B3GLCT: variants seen among roughly 807,000 people sequenced by gnomAD.
B3GLCT encodes beta-1,3-glucosyltransferase.
Under a neutral mutation model 63.4 loss-of-function variants are expected in B3GLCT, and 65 were observed. The ratio of observed to expected loss-of-function variants is 1.03; its 90% CI spans 0.84 to 1.26. B3GLCT has a LOEUF of 1.26. B3GLCT is among the 50% of genes most tolerant of loss of function. The pLI is 0.00. For missense variants in B3GLCT, 577 were observed against 604.8 expected (o/e 0.95, Z 0.48); for synonymous variants, 233 against 219.2 (o/e 1.06, Z -0.55).
At chr13:31,296,844 A>G (rs1873970384) in intron 12 of B3GLCT, among the ~76,000 whole-genome samples, 1 of 152,106 alleles carries the variant, frequency 6.6e-6, no homozygotes, top group South Asian at 2.1e-4. Context: ...AAATACATGC[A>G]TAATGTTGTG....
chr13:31,314,822 G>A (rs562428268), intron 12 of B3GLCT, among the ~76,000 whole-genome samples: 7 of 152,296 alleles, frequency 4.6e-5, no homozygotes, highest in East Asian at 1.9e-4. Flanking sequence ...ATCTCAACTC[G>A]AATTGTATCT....
At chr13:31,246,748 G>C (rs1290802212) in intron 4 of B3GLCT, among the ~76,000 whole-genome samples, 1 of 152,100 alleles carries the variant, frequency 6.6e-6, no homozygotes, top group Non-Finnish European at 1.5e-5. Flanking sequence ...GACCCTCCTT[G>C]TAGGTCTTGA....
intron 2 of B3GLCT, among the ~76,000 whole-genome samples, chr13:31,219,893 T>C (rs1869737817): frequency 6.6e-6 from 1 of 152,188 alleles, no homozygotes; most frequent in Non-Finnish European, 1.5e-5. Context: ...TAGTTGATGA[T>C]AATGATGAAA....
chr13:31,233,903 C>A (rs1251919882), intron 4 of B3GLCT, among the ~76,000 whole-genome samples: 1 of 152,110 alleles, frequency 6.6e-6, no homozygotes, highest in African/African-American at 2.4e-5. Flanking sequence ...TGAAGACATA[C>A]TACGGGCAAA....
intron 8 of B3GLCT, 52 bp from the exon 9 acceptor site, chr13:31,274,457 A>T: frequency 6.2e-7 from 1 of 1,612,764 alleles, no homozygotes; most frequent in Non-Finnish European, 8.5e-7. Flanking sequence ...CCCTTCTTAT[A>T]CTTGTGTTGA....
intron 12 of B3GLCT, among the ~76,000 whole-genome samples, chr13:31,295,666 C>T (rs1279910115): frequency 1.3e-5 from 2 of 152,226 alleles, no homozygotes; most frequent in East Asian, 3.8e-4. Flanking sequence ...CCCCTCCCCC[C>T]ACCAAGCTCG....
intron 4 of B3GLCT, among the ~76,000 whole-genome samples, chr13:31,231,545 C>T (rs573847577): frequency 6.6e-5 from 10 of 152,186 alleles, no homozygotes; most frequent in Admixed American, 3.3e-4. Context: ...ACTTCCTCTA[C>T]TGTTCATCCA....
chr13:31,287,726 G>C (rs1456673965), intron 12 of B3GLCT, among the ~76,000 whole-genome samples: 11 of 152,254 alleles, frequency 7.2e-5, no homozygotes, highest in African/African-American at 2.6e-4. Context: ...AGAATTAGAA[G>C]TTATTAAGCT....
At chr13:31,246,355 T>C (rs1263252837) in intron 4 of B3GLCT, among the ~76,000 whole-genome samples, 2 of 152,248 alleles carry the variant, frequency 1.3e-5, no homozygotes, top group African/African-American at 2.4e-5. Context: ...TATATATGTA[T>C]ACATAATTTA....
chr13:31,295,027 C>G (rs1873863221), intron 12 of B3GLCT, among the ~76,000 whole-genome samples: 1 of 151,130 alleles, frequency 6.6e-6, no homozygotes, highest in South Asian at 2.1e-4. Flanking sequence ...GATGCTGATG[C>G]TATTCCTTTC....
chr13:31,276,189 C>T (rs1346489467), intron 9 of B3GLCT, among the ~76,000 whole-genome samples: 1 of 152,110 alleles, frequency 6.6e-6, no homozygotes, highest in Non-Finnish European at 1.5e-5. Flanking sequence ...CATCCTTAGC[C>T]TAGACTTGGG....
chr13:31,208,631 C>G (rs74242042), intron 1 of B3GLCT, among the ~76,000 whole-genome samples: 40 of 133,500 alleles, frequency 3.0e-4, no homozygotes, highest in East Asian at 9.0e-4. Context: ...CCCCCCCCCC[C>G]GCTCACTGCC....
At chr13:31,291,673 T>C (rs1011114567) in intron 12 of B3GLCT, among the ~76,000 whole-genome samples, 5 of 152,212 alleles carry the variant, frequency 3.3e-5, no homozygotes, top group Non-Finnish European at 5.9e-5. Context: ...TTTTGTATCC[T>C]GAGACTTTGC....
intron 6 of B3GLCT, 22 bp from the exon 7 acceptor site, chr13:31,260,924 A>G (rs781244059): frequency 6.2e-7 from 1 of 1,604,348 alleles, no homozygotes; most frequent in Non-Finnish European, 8.5e-7. Flanking sequence ...TTAAAGTGAC[A>G]TGTTATATCT....
At chr13:31,324,453 G>A (rs1358860620) in intron 14 of B3GLCT, among the ~76,000 whole-genome samples, 1 of 152,212 alleles carries the variant, frequency 6.6e-6, no homozygotes, top group Non-Finnish European at 1.5e-5. Context: ...ACCAGGGACG[G>A]GTAGTGCTTT....
chr13:31,292,868 T>A (rs983186741), intron 12 of B3GLCT, among the ~76,000 whole-genome samples: 4 of 152,168 alleles, frequency 2.6e-5, no homozygotes, highest in Non-Finnish European at 5.9e-5. Context: ...CTTTGTCTGC[T>A]CTTTCTTCTC....
intron 6 of B3GLCT, among the ~76,000 whole-genome samples, chr13:31,252,478 CAT>C (rs760298966): frequency 1.3e-5 from 2 of 152,064 alleles, no homozygotes; most frequent in Non-Finnish European, 2.9e-5. Context: ...AGACCCATCT[CAT>C]GTGCAAAGAC....
At chr13:31,222,265 G>T (rs1049969626) in intron 2 of B3GLCT, among the ~76,000 whole-genome samples, 3 of 151,852 alleles carry the variant, frequency 2.0e-5, no homozygotes, top group African/African-American at 7.3e-5. Flanking sequence ...TTTTAGTAGC[G>T]GTGGGGTTTT....
At chr13:31,237,932 C>T (rs1015974025) in intron 4 of B3GLCT, among the ~76,000 whole-genome samples, 1 of 152,136 alleles carries the variant, frequency 6.6e-6, no homozygotes, top group East Asian at 1.9e-4. Flanking sequence ...ATCAATTTGC[C>T]CACCATGAAC....
Sources: gnomAD v4.1 joint callset for allele counts (sites outside exome capture counted in the v4.1 genomes callset) on GRCh38, gnomAD v4.1.1 for gene constraint, MANE v1.5 for transcripts, NCBI Gene and HGNC (gene_info 2026-07-23, HGNC 2026-07-21) for gene names.